The following USH2A variants were observed in gnomAD, a reference collection of about 807,000 sequenced individuals.
USH2A encodes the protein Usher syndrome 2A (autosomal recessive, mild).
A neutral mutation model predicts 538.9 loss-of-function variants in USH2A; 443 were observed. That is an observed-to-expected ratio of 0.82 (90% confidence interval 0.76 to 0.89). USH2A has a LOEUF of 0.89. Among genes scored for constraint, USH2A ranks in the 40% least tolerant of loss-of-function variants. USH2A has a pLI of 0.00. For missense variants in USH2A, 6,633 were observed against 6,324.8 expected (o/e 1.05, Z -1.65); for synonymous variants, 2,413 against 2,273.5 (o/e 1.06, Z -1.75).
At chr1:216,170,682 G>C (rs1280339114) in intron 21 of USH2A, among the ~76,000 whole-genome samples, 1 of 152,048 alleles carries the variant, frequency 6.6e-6, no homozygotes. Flanking sequence ...AGGAGAAAGA[G>C]GGTCACCTTT....
At chr1:216,118,417 G>A (rs1288798327) in intron 21 of USH2A, among the ~76,000 whole-genome samples, 1 of 152,120 alleles carries the variant, frequency 6.6e-6, no homozygotes, top group African/African-American at 2.4e-5. Context: ...GCCATCTCAA[G>A]GACTTCTCTA....
chr1:216,380,417 G>T (rs1393250828), intron 3 of USH2A, among the ~76,000 whole-genome samples: 1 of 152,038 alleles, frequency 6.6e-6, no homozygotes. Context: ...GCCAAATACA[G>T]AAAAAACAAA....
rs113582676 is a variant in USH2A at position 216,190,383 on chromosome 1, G to T, written c.4252-16C>A. 1.3e-6 allele frequency: 2 copies of T among 1,510,556 alleles called. No individual in the cohort carries two copies. The highest frequency in any genetic ancestry group is 1.2e-5 in the South Asian group (1 of 86,910). The allele number at this position is 1,510,556 out of a possible 1,614,324, so 93.6% of individuals were successfully genotyped here. On this transcript the variant is annotated splice_polypyrimidine_tract_variant and intron_variant, in intron 19 of 71. Coordinates refer to ENST00000307340, the MANE Select transcript of USH2A (RefSeq NM_206933.4). ...TGTGCAACAGCTTCAAGGCAAAAAA[G>T]AAAGAAAGAAAGAAAGAAAGATAAT...
chr1:216,419,539 C>G (rs182424073), intron 2 of USH2A, among the ~76,000 whole-genome samples: 20 of 152,220 alleles, frequency 1.3e-4, no homozygotes, highest in Non-Finnish European at 2.1e-4. Context: ...TGGCACCCTT[C>G]TTCCTGCTCA....
At chr1:215,733,279 T>C (rs1026590715) in intron 60 of USH2A, among the ~76,000 whole-genome samples, 4 of 151,884 alleles carry the variant, frequency 2.6e-5, no homozygotes, top group Non-Finnish European at 4.4e-5. Context: ...AGAACACACT[T>C]ATCACTAAGG....
At chr1:216,106,565 T>C (rs2032739754) in intron 21 of USH2A, among the ~76,000 whole-genome samples, 1 of 151,294 alleles carries the variant, frequency 6.6e-6, no homozygotes, top group Non-Finnish European at 1.5e-5. Context: ...CTTTTCTCTC[T>C]CCCCCCTCCT....
At chr1:215,987,965 T>G (rs1667911426) in intron 35 of USH2A, among the ~76,000 whole-genome samples, 2 of 152,180 alleles carry the variant, frequency 1.3e-5, no homozygotes, top group Non-Finnish European at 2.9e-5. Flanking sequence ...AAACTAACAC[T>G]GTTCTTAATC....
chr1:216,088,351 C>T (rs1175054696), intron 23 of USH2A, among the ~76,000 whole-genome samples: 1 of 152,112 alleles, frequency 6.6e-6, no homozygotes, highest in Non-Finnish European at 1.5e-5. Flanking sequence ...CTGTATTTTG[C>T]TGCCCCATTC....
At chr1:215,914,597 T>C (rs1044912896) in intron 38 of USH2A, among the ~76,000 whole-genome samples, 1 of 152,150 alleles carries the variant, frequency 6.6e-6, no homozygotes, top group Non-Finnish European at 1.5e-5. Context: ...AGAGCAACCC[T>C]TTCTCCCCCT....
intron 20 of USH2A, 118 bp from the exon 21 acceptor site, chr1:216,175,600 T>C (rs923577390): frequency 1.4e-5 from 14 of 978,978 alleles, no homozygotes; most frequent in Non-Finnish European, 1.9e-5. Context: ...AAATCAGTTG[T>C]GGTTTCAAGT....
intron 47 of USH2A, among the ~76,000 whole-genome samples, chr1:215,827,332 G>T (rs1161740352): frequency 6.6e-6 from 1 of 152,128 alleles, no homozygotes; most frequent in Non-Finnish European, 1.5e-5. Context: ...AGGAAGAACT[G>T]GATTTTGCTG....
chr1:216,005,329 C>A (rs1444719892), intron 32 of USH2A, among the ~76,000 whole-genome samples: 1 of 152,118 alleles, frequency 6.6e-6, no homozygotes, highest in Non-Finnish European at 1.5e-5. Context: ...CTTGTTATAT[C>A]ACCTTGTTTA....
chr1:216,291,689 C>A (rs2037004649), intron 10 of USH2A, among the ~76,000 whole-genome samples: 1 of 152,186 alleles, frequency 6.6e-6, no homozygotes, highest in Non-Finnish European at 1.5e-5. Context: ...TAGAACAGGA[C>A]TTTGATTATC....
chr1:215,768,907 C>G (rs1661204064), intron 55 of USH2A, among the ~76,000 whole-genome samples: 1 of 152,130 alleles, frequency 6.6e-6, no homozygotes, highest in Admixed American at 6.5e-5. Flanking sequence ...CTATAGTGCC[C>G]ATTTTTAGGC....
intron 61 of USH2A, among the ~76,000 whole-genome samples, chr1:215,709,772 G>A (rs1487087999): frequency 1.3e-5 from 2 of 152,082 alleles, no homozygotes. Flanking sequence ...AATGTAGTTG[G>A]AGACAAAAGC....
At chr1:216,204,985 G>A (rs1359750149) in intron 16 of USH2A, among the ~76,000 whole-genome samples, 1 of 152,160 alleles carries the variant, frequency 6.6e-6, no homozygotes, top group African/African-American at 2.4e-5. Context: ...CATTTATTAT[G>A]TAAGAAAATG....
At position 215,676,479 on chromosome 1, in the gene USH2A, AT is replaced by A. The variant is rs1658032086; in HGVS notation, c.12295-864del. ...GACACACTCCTTTCGATGACTCCCT[AT>A]CATGGTGACTCTCAAGAGGGGACAG... On this transcript the variant is annotated intron_variant, in intron 62 of 71. Transcript: ENST00000307340. Among the ~76,000 whole-genome samples the A allele has an allele frequency of 3.3e-5, 5 of 152,126 alleles. No homozygotes were observed. In the South Asian group the frequency reaches 1.0e-3, roughly 31 times the overall value.
intron 52 of USH2A, among the ~76,000 whole-genome samples, chr1:215,785,975 G>T: frequency 7.3e-6 from 1 of 136,070 alleles, no homozygotes. Flanking sequence ...ACACAAACTT[G>T]ATTTTTCAAA....
intron 57 of USH2A, 42 bp downstream of exon 57, chr1:215,759,618 C>T (rs1016796737): frequency 1.2e-6 from 2 of 1,611,270 alleles, no homozygotes; most frequent in African/African-American, 2.7e-5. Context: ...GAGAAATGTA[C>T]AAATCCTGCT....
Sources: gnomAD v4.1 joint callset for allele counts (sites outside exome capture counted in the v4.1 genomes callset) on GRCh38, gnomAD v4.1.1 for gene constraint, MANE v1.5 for transcripts, NCBI Gene and HGNC (gene_info 2026-07-23, HGNC 2026-07-21) for gene names.